WDR70: variants seen among roughly 807,000 people sequenced by gnomAD.
WDR70 encodes WD repeat domain 70, also known as WD repeat-containing protein 70.
WDR70 carries 53 observed loss-of-function variants against 88.6 expected under a neutral mutation model. The ratio of observed to expected loss-of-function variants is 0.60; its 90% CI spans 0.48 to 0.75. The LOEUF (loss-of-function observed/expected upper bound fraction) is 0.75. Among genes scored for constraint, WDR70 ranks in the 30% least tolerant of loss-of-function variants. The pLI, the probability that WDR70 is intolerant of heterozygous loss-of-function variation, is 0.00. For missense variants in WDR70, 610 were observed against 823.2 expected (o/e 0.74, Z 3.17); for synonymous variants, 280 against 270.0 (o/e 1.04, Z -0.36).
At chr5:37,640,169 A>C (rs895716644) in intron 10 of WDR70, among the ~76,000 whole-genome samples, 1 of 152,176 alleles carries the variant, frequency 6.6e-6, no homozygotes, top group Non-Finnish European at 1.5e-5. Context: ...TTTTATACAC[A>C]GCTTACAGAG....
intron 10 of WDR70, among the ~76,000 whole-genome samples, chr5:37,621,946 T>C (rs2112506341): frequency 6.6e-6 from 1 of 152,336 alleles, no homozygotes; most frequent in East Asian, 1.9e-4. Flanking sequence ...TTTCTACATA[T>C]GGCTAGCCAG....
At chr5:37,740,599 T>C (rs1748444815) in intron 17 of WDR70, among the ~76,000 whole-genome samples, 1 of 152,164 alleles carries the variant, frequency 6.6e-6, no homozygotes, top group Admixed American at 6.6e-5. Flanking sequence ...GAAAATTCCT[T>C]CTGTGGGCCA....
chr5:37,550,975 T>C (rs1034486745), intron 9 of WDR70, among the ~76,000 whole-genome samples: 1 of 152,166 alleles, frequency 6.6e-6, no homozygotes, highest in Non-Finnish European at 1.5e-5. Context: ...CTTAACGTTA[T>C]TTGCATAAAC....
intron 9 of WDR70, among the ~76,000 whole-genome samples, chr5:37,518,022 C>A (rs1740946581): frequency 6.6e-6 from 1 of 151,610 alleles, no homozygotes. Flanking sequence ...TCAAGTGATT[C>A]TCCTGCCTTG....
At chr5:37,382,466 C>T (rs886719589) in intron 3 of WDR70, among the ~76,000 whole-genome samples, 4 of 151,576 alleles carry the variant, frequency 2.6e-5, no homozygotes, top group African/African-American at 7.3e-5. Context: ...GGCTGGAGTG[C>T]AGGGGTGCGA....
At chr5:37,733,584 T>A (rs924587043) in intron 17 of WDR70, among the ~76,000 whole-genome samples, 6 of 152,214 alleles carry the variant, frequency 3.9e-5, no homozygotes, top group Admixed American at 2.0e-4. Flanking sequence ...TGTCAATTGG[T>A]CTGGCTCTGC....
chr5:37,600,123 CT>C (rs1225731440), intron 9 of WDR70, among the ~76,000 whole-genome samples: 1 of 152,054 alleles, frequency 6.6e-6, no homozygotes. Flanking sequence ...AGTTTATGCA[CT>C]TCAAAAGATA....
intron 10 of WDR70, among the ~76,000 whole-genome samples, chr5:37,660,997 G>T (rs2112576162): frequency 6.6e-6 from 1 of 152,290 alleles, no homozygotes; most frequent in South Asian, 2.1e-4. Context: ...ATAGTAGGAT[G>T]TACATAGTTT....
chr5:37,472,228 T>C (rs1451524355), intron 7 of WDR70, among the ~76,000 whole-genome samples: 1 of 152,018 alleles, frequency 6.6e-6, no homozygotes, highest in Non-Finnish European at 1.5e-5. Context: ...TGCATAAGTA[T>C]CACTGAAAAC....
chr5:37,496,542 C>T (rs1040169731), intron 8 of WDR70, among the ~76,000 whole-genome samples: 3 of 152,198 alleles, frequency 2.0e-5, no homozygotes, highest in Non-Finnish European at 4.4e-5. Context: ...AGACCAAGAA[C>T]CCACCAGAAG....
chr5:37,635,104 C>T (rs181536030), intron 10 of WDR70, among the ~76,000 whole-genome samples: 1 of 152,048 alleles, frequency 6.6e-6, no homozygotes, highest in Non-Finnish European at 1.5e-5. Flanking sequence ...ATGCCTTGAC[C>T]CTGTGCCTCT....
At chr5:37,464,073 A>G (rs1389214611) in intron 7 of WDR70, among the ~76,000 whole-genome samples, 3 of 152,238 alleles carry the variant, frequency 2.0e-5, no homozygotes, top group Non-Finnish European at 4.4e-5. Context: ...AAATGGAGCC[A>G]TTGACTGTTT....
intron 5 of WDR70, among the ~76,000 whole-genome samples, chr5:37,430,168 C>T (rs1750258969): frequency 6.6e-6 from 1 of 152,166 alleles, no homozygotes; most frequent in Non-Finnish European, 1.5e-5. Flanking sequence ...TTCCAATGTC[C>T]TAACTAATAT....
chr5:37,504,418 A>C (rs1740497425), intron 8 of WDR70, among the ~76,000 whole-genome samples: 1 of 152,166 alleles, frequency 6.6e-6, no homozygotes, highest in Non-Finnish European at 1.5e-5. Context: ...GTTTCTAAGC[A>C]CACCATGTTT....
intron 9 of WDR70, among the ~76,000 whole-genome samples, chr5:37,524,702 T>C (rs1741205983): frequency 6.6e-6 from 1 of 151,780 alleles, no homozygotes; most frequent in African/African-American, 2.4e-5. Flanking sequence ...GGATAAAGAG[T>C]CAAGGCCCAT....
intron 5 of WDR70, among the ~76,000 whole-genome samples, chr5:37,410,424 T>G (rs1174822408): frequency 6.6e-6 from 1 of 151,974 alleles, no homozygotes; most frequent in African/African-American, 2.4e-5. Flanking sequence ...TAAAATTCTG[T>G]GTACCCTTTA....
chr5:37,614,136 G>A (rs1159947116), intron 10 of WDR70, among the ~76,000 whole-genome samples: 4 of 152,210 alleles, frequency 2.6e-5, no homozygotes, highest in Non-Finnish European at 5.9e-5. Flanking sequence ...CAAGGTGTTA[G>A]CAGGGTGTTC....
In WDR70 at chr5:37,575,688, C is replaced by T. The variant is rs74731568; in HGVS notation, c.918-29376C>T. Among the ~76,000 whole-genome samples, 1,177 of 152,218 alleles carry T rather than the reference C, an allele frequency of 7.7e-3. 21 individuals are homozygous for T. Among genetic ancestry groups the T allele is most frequent in the African/African-American group, 0.027 (1,134 of 41,518 alleles). ...TTACCCTATATACCGCTCTTCAATC[C>T]GAGTGTTCATCTGTATCCTTTATAA... is the stretch of plus-strand genomic sequence containing the variant. On this transcript the variant is annotated intron_variant, in intron 9 of 17. Transcript: ENST00000265107.
chr5:37,384,261 A>G (rs1277762720), intron 3 of WDR70, among the ~76,000 whole-genome samples: 7 of 149,226 alleles, frequency 4.7e-5, no homozygotes, highest in African/African-American at 1.7e-4. Flanking sequence ...GCCTCACTGC[A>G]GACTCCACTT....
Sources: gnomAD v4.1 joint callset for allele counts (sites outside exome capture counted in the v4.1 genomes callset) on GRCh38, gnomAD v4.1.1 for gene constraint, MANE v1.5 for transcripts, NCBI Gene and HGNC (gene_info 2026-07-23, HGNC 2026-07-21) for gene names.